SBF2: variants seen among roughly 807,000 people sequenced by gnomAD.
SBF2 encodes myotubularin-related protein 13.
SBF2 carries 112 observed loss-of-function variants against 225.2 expected under a neutral mutation model. The ratio of observed to expected loss-of-function variants is 0.50; its 90% confidence interval spans 0.43 to 0.58. The LOEUF (loss-of-function observed/expected upper bound fraction) is 0.58. Among genes scored for constraint, SBF2 ranks in the 20% least tolerant of loss-of-function variants. SBF2 has a pLI of 0.00. For synonymous variants in SBF2, 763 were observed against 773.3 expected (o/e 0.99, Z 0.22); for missense variants, 1,996 against 2,206.2 (o/e 0.90, Z 1.91).
intron 2 of SBF2, among the ~76,000 whole-genome samples, chr11:10,154,678 G>T (rs1955382011): frequency 6.6e-6 from 1 of 152,016 alleles, no homozygotes; most frequent in Non-Finnish European, 1.5e-5. Flanking sequence ...GACTATTTTT[G>T]ATTGAATGCT....
At chr11:10,083,749 AT>A (rs1333817891) in intron 2 of SBF2, among the ~76,000 whole-genome samples, 1 of 152,180 alleles carries the variant, frequency 6.6e-6, no homozygotes, top group East Asian at 1.9e-4. Context: ...AGACTTAAAT[AT>A]AAGACCTGAA....
In SBF2 at chr11:9,787,763, G is replaced by A. The variant is rs945922777; in HGVS notation, c.4933-25C>T. 6 of 1,597,222 alleles carry A rather than the reference G, an allele frequency of 3.8e-6. No individual in the cohort carries two copies. The African/African-American group carries it at 6.7e-5, about 18-fold the overall frequency. ...CCTGCAAAGAAATTAAAAGTTTTCT[G>A]ATCAGTATTTCATAGAAATCAGGAT... is the stretch of plus-strand genomic sequence containing the variant. On this transcript the variant is annotated intron_variant, in intron 35 of 39. Transcript: ENST00000256190.
chr11:10,214,387 TCCGAGG>T (rs1234484695), intron 1 of SBF2, among the ~76,000 whole-genome samples: 28 of 152,188 alleles, frequency 1.8e-4, no homozygotes, highest in African/African-American at 6.0e-4. Flanking sequence ...ACTTTTGGAG[TCCGAGG>T]CGGGCGGATC....
At chr11:9,959,612 G>A (rs1866424987) in intron 16 of SBF2, 1 of 763,642 alleles carries the variant, frequency 1.3e-6, no homozygotes, top group Non-Finnish European at 2.5e-6. Flanking sequence ...AAGTACTAGA[G>A]CCACCAAAAT....
intron 1 of SBF2, among the ~76,000 whole-genome samples, chr11:10,228,460 G>A (rs1958676676): frequency 6.6e-6 from 1 of 152,170 alleles, no homozygotes; most frequent in African/African-American, 2.4e-5. Flanking sequence ...CTGTAGGTTT[G>A]TCATAGATAG....
chr11:9,970,296 T>G (rs1168703951), intron 13 of SBF2, among the ~76,000 whole-genome samples: 1 of 151,644 alleles, frequency 6.6e-6, no homozygotes, highest in Non-Finnish European at 1.5e-5. Context: ...AAGCTCCACC[T>G]CCCGGGTTCA....
chr11:10,000,871 C>T (rs1477716302), intron 8 of SBF2, 43 bp downstream of exon 8: 1 of 1,012,466 alleles, frequency 9.9e-7, no homozygotes, highest in East Asian at 2.4e-5. Context: ...ATATGATAAA[C>T]TTCTGGACTC....
rs187829013 is a variant in SBF2, at chr11:9,900,552, C to T, written c.1861-4541G>A. Among the ~76,000 whole-genome samples, 22 of 152,286 alleles carry T rather than the reference C, an allele frequency of 1.4e-4. No homozygotes were observed. In the East Asian group the frequency reaches 3.9e-3, roughly 27 times the overall value. On this transcript the variant is annotated intron_variant, in intron 16 of 39. Transcript: ENST00000256190. ...GGGAAGGACGCAGCAGCAGGGGCCA[C>T]GTGCGTCAGGGATAAGAACCCCTTC...
intron 3 of SBF2, among the ~76,000 whole-genome samples, chr11:10,035,899 C>T (rs1450770233): frequency 6.6e-6 from 1 of 152,082 alleles, no homozygotes; most frequent in Non-Finnish European, 1.5e-5. Context: ...CACCCAGCCA[C>T]CACATTACTG....
At chr11:10,043,678 G>A (rs367689150) in intron 2 of SBF2, among the ~76,000 whole-genome samples, 19 of 152,108 alleles carry the variant, frequency 1.2e-4, no homozygotes, top group African/African-American at 4.6e-4. Flanking sequence ...GGGCTCAGGC[G>A]ATTCTCCCAT....
intron 17 of SBF2, among the ~76,000 whole-genome samples, chr11:9,895,162 T>A (rs1374909223): frequency 6.6e-6 from 1 of 152,108 alleles, no homozygotes; most frequent in African/African-American, 2.4e-5. Context: ...CACTAAAACC[T>A]ATGTATGATT....
intron 28 of SBF2, chr11:9,828,355 T>A: frequency 8.6e-7 from 1 of 1,166,540 alleles, no homozygotes; most frequent in South Asian, 1.8e-5. Context: ...CAAAGCTTTA[T>A]TAGAGATAAC....
At chr11:10,090,167 T>C (rs191887924) in intron 2 of SBF2, among the ~76,000 whole-genome samples, 204 of 152,240 alleles carry the variant, frequency 1.3e-3, no homozygotes, top group African/African-American at 4.7e-3. Context: ...ATGGTGATTA[T>C]GAGAGGATGA....
chr11:10,032,603 C>A (rs1949300344), intron 3 of SBF2, among the ~76,000 whole-genome samples: 2 of 152,156 alleles, frequency 1.3e-5, no homozygotes, highest in Non-Finnish European at 2.9e-5. Context: ...ACTGCAATGC[C>A]CTAACACTCT....
chr11:10,277,202 T>G (rs1032525861), intron 1 of SBF2, among the ~76,000 whole-genome samples: 1 of 149,758 alleles, frequency 6.7e-6, no homozygotes, highest in Non-Finnish European at 1.5e-5. Context: ...GGCAGATCGC[T>G]TGAGCCCGGG....
intron 1 of SBF2, among the ~76,000 whole-genome samples, chr11:10,288,213 C>G (rs1173456695): frequency 6.6e-6 from 1 of 152,210 alleles, no homozygotes; most frequent in Non-Finnish European, 1.5e-5. Flanking sequence ...TGTTTCAGCT[C>G]TGCTTGTGTT....
Position 9,968,341 on chromosome 11 carries a change from C to T in SBF2, c.1600G>A (p.Val534Ile). 2.5e-6 allele frequency: 4 copies of T among 1,613,630 alleles called. No individual in the cohort carries two copies. Among genetic ancestry groups the T allele is most frequent in the Non-Finnish European group, 3.4e-6 (4 of 1,179,670 alleles). ...KCVVPAGPPV[V>I]SIMDKVTTVF... ...TTAAAACAGACAGACAAATACATAC[C>T]AACAGGTGGACCTGCTGGCACAACA... The change falls in exon 14 of 40, where the codon GTT becomes ATT. Residue 534 changes from valine (V) to isoleucine (I), a missense_variant and splice_region_variant. Coordinates refer to ENST00000256190, the MANE Select transcript of SBF2 (RefSeq NM_030962.4).
At chr11:10,188,277 T>C (rs904657811) in intron 2 of SBF2, among the ~76,000 whole-genome samples, 3 of 152,102 alleles carry the variant, frequency 2.0e-5, no homozygotes, top group African/African-American at 7.2e-5. Flanking sequence ...AACTGGAACT[T>C]AAGAAGTACA....
intron 2 of SBF2, among the ~76,000 whole-genome samples, chr11:10,128,073 T>C (rs1024120930): frequency 2.0e-5 from 3 of 152,224 alleles, no homozygotes; most frequent in African/African-American, 7.2e-5. Context: ...AAGTGTCTGA[T>C]ACTATTTAGC....
Sources: gnomAD v4.1 joint callset for allele counts (sites outside exome capture counted in the v4.1 genomes callset) on GRCh38, gnomAD v4.1.1 for gene constraint, MANE v1.5 for transcripts, NCBI Gene and HGNC (gene_info 2026-07-23, HGNC 2026-07-21) for gene names.